The following HERC4 variants were observed in gnomAD, a reference collection of about 807,000 sequenced individuals.
HERC4 encodes probable E3 ubiquitin-protein ligase HERC4.
Under a neutral mutation model 124.3 loss-of-function variants are expected in HERC4, and 28 were observed. That is an observed-to-expected ratio of 0.23 (90% CI 0.17 to 0.31). The LOEUF (loss-of-function observed/expected upper bound fraction) is 0.31, where lower values mean the gene tolerates loss of function less well. Among genes scored for constraint, HERC4 ranks in the 10% least tolerant of loss-of-function variants. HERC4 has a pLI of 1.00. For missense variants in HERC4, 713 were observed against 1,229.3 expected (o/e 0.58, Z 6.28); for synonymous variants, 407 against 421.5 (o/e 0.97, Z 0.42).
chr10:68,008,693 T>A (rs899081820), intron 9 of HERC4, among the ~76,000 whole-genome samples: 1 of 152,050 alleles, frequency 6.6e-6, no homozygotes, highest in African/African-American at 2.4e-5. Context: ...CCAAAAGAAC[T>A]GAAAGCAGGA....
Position 68,017,184 on chromosome 10 carries a change from A to G in HERC4, c.909-2998T>C, listed in dbSNP as rs116494574. Among the ~76,000 whole-genome samples the G allele has an allele frequency of 5.7e-3, 867 of 152,324 alleles. 11 individuals carry two copies. The highest frequency in any genetic ancestry group is 0.02 in the African/African-American group (822 of 41,572). ...TTTGCCTTCTTGTGTATTTGTCTCC[A>G]TCAGAAGAATACCCAGAGGCAGCCC... On this transcript the variant is annotated intron_variant, in intron 8 of 24. Transcript: ENST00000373700.
intron 7 of HERC4, among the ~76,000 whole-genome samples, chr10:68,029,721 T>C (rs1236823263): frequency 1.3e-5 from 2 of 148,528 alleles, no homozygotes; most frequent in African/African-American, 4.9e-5. Context: ...TTACATATAA[T>C]TTTTACATAT....
Position 68,044,436 on chromosome 10 carries a change from C to T in HERC4, c.354G>A (p.Leu118=), listed in dbSNP as rs1231654054. 3.1e-6 allele frequency: 5 copies of T among 1,613,894 alleles called. No individual in the cohort carries two copies. Among genetic ancestry groups the T allele is most frequent in the Non-Finnish European group, 4.2e-6 (5 of 1,179,994 alleles). ...WGLDSDGQLG[L]VGSEECIRVP... is the part of the protein sequence containing the mutation. ...CTCTGATGCATTCCTCTGATCCTAC[C>T]AGGCCAAGCTGTCCATCAGAATCGA... Residue 118 remains leucine (L), a synonymous_variant, in exon 4 of 25, where the codon CTG becomes CTA. Transcript: ENST00000373700.
At chr10:67,990,832 CT>C in intron 13 of HERC4, 71 bp downstream of exon 13, 1 of 869,170 alleles carries the variant, frequency 1.2e-6, no homozygotes, top group African/African-American at 1.7e-5. Context: ...GTAAATTAGG[CT>C]ATAAACGTAT....
intron 15 of HERC4, among the ~76,000 whole-genome samples, chr10:67,983,743 C>T (rs182779459): frequency 3.0e-3 from 431 of 143,998 alleles, no homozygotes; most frequent in African/African-American, 0.01. Flanking sequence ...GCCAAGATCG[C>T]ACCACTGCAC....
intron 7 of HERC4, among the ~76,000 whole-genome samples, chr10:68,029,156 C>T (rs1287415385): frequency 6.6e-6 from 1 of 151,918 alleles, no homozygotes; most frequent in African/African-American, 2.4e-5. Flanking sequence ...CCAACTTGAG[C>T]AAGAGTGAGA....
At chr10:68,010,941 T>C in intron 9 of HERC4, 1 of 1,107,262 alleles carries the variant, frequency 9.0e-7, no homozygotes, top group Admixed American at 2.0e-5. Flanking sequence ...AGGCTTTAGT[T>C]CTAGTTCTCT....
At chr10:68,038,840 T>C (rs2039613146) in intron 4 of HERC4, among the ~76,000 whole-genome samples, 1 of 152,194 alleles carries the variant, frequency 6.6e-6, no homozygotes, top group Non-Finnish European at 1.5e-5. Context: ...CTTCCCCCCT[T>C]TCCTGAGTTT....
At chr10:68,036,205 CTA>C (rs2039456598) in intron 5 of HERC4, among the ~76,000 whole-genome samples, 1 of 151,540 alleles carries the variant, frequency 6.6e-6, no homozygotes, top group South Asian at 2.1e-4. Context: ...GTAGTCCCAG[CTA>C]CTAGGGAGGC....
chr10:67,960,224 T>G (rs118008277), intron 16 of HERC4, among the ~76,000 whole-genome samples: 58 of 152,332 alleles, frequency 3.8e-4, no homozygotes, highest in Non-Finnish European at 7.6e-4. Context: ...CTCTGTATTG[T>G]TACACATCTA....
chr10:68,056,840 G>C (rs2040574135), intron 3 of HERC4, among the ~76,000 whole-genome samples: 1 of 152,088 alleles, frequency 6.6e-6, no homozygotes, highest in South Asian at 2.1e-4. Context: ...ATTTGCAAAG[G>C]AAATTAAAAA....
intron 15 of HERC4, among the ~76,000 whole-genome samples, chr10:67,987,132 G>A (rs2036307968): frequency 6.6e-6 from 1 of 152,156 alleles, no homozygotes; most frequent in Non-Finnish European, 1.5e-5. Flanking sequence ...TATTTAGAAT[G>A]AGTCCATCAA....
At chr10:68,044,138 T>A (rs2039905885) in intron 4 of HERC4, among the ~76,000 whole-genome samples, 1 of 152,142 alleles carries the variant, frequency 6.6e-6, no homozygotes, top group East Asian at 1.9e-4. Flanking sequence ...ACTAAAAAAA[T>A]TTGTAATGAA....
chr10:68,052,944 CT>C (rs2040387906), intron 3 of HERC4, among the ~76,000 whole-genome samples: 1 of 152,128 alleles, frequency 6.6e-6, no homozygotes, highest in Non-Finnish European at 1.5e-5. Context: ...TGTTTTATAC[CT>C]TCTTAAAAAA....
chr10:67,953,583 C>A (rs922110060), intron 19 of HERC4, among the ~76,000 whole-genome samples: 4 of 152,058 alleles, frequency 2.6e-5, no homozygotes, highest in African/African-American at 9.7e-5. Flanking sequence ...ATATGAGCAT[C>A]AATGAAGACA....
At chr10:68,041,569 AAAT>A (rs1306161270) in intron 4 of HERC4, among the ~76,000 whole-genome samples, 1 of 152,190 alleles carries the variant, frequency 6.6e-6, no homozygotes, top group Non-Finnish European at 1.5e-5. Context: ...GTACTCACAA[AAAT>A]AATAATCTTA....
chr10:68,026,443 A>T lies in HERC4; in HGVS notation c.778-767T>A, dbSNP rs187739690. Among the ~76,000 whole-genome samples, 489 of 151,492 alleles carry T rather than the reference A, an allele frequency of 3.2e-3. 1 individual carries two copies. Among genetic ancestry groups the T allele is most frequent in the African/African-American group, 0.011 (459 of 41,354 alleles). On this transcript the variant is annotated intron_variant, in intron 7 of 24. Coordinates refer to ENST00000373700, the MANE Select transcript of HERC4 (RefSeq NM_015601.4). ...GCTGCTATAATATACAGATGTTTTTAAAAAAAACTCCCTATAAAAACATAT... is the reference window on the plus strand; with the variant it reads ...GCTGCTATAATATACAGATGTTTTTTAAAAAAACTCCCTATAAAAACATAT...
chr10:68,018,322 C>G (rs966243231), intron 8 of HERC4, among the ~76,000 whole-genome samples: 3 of 151,250 alleles, frequency 2.0e-5, no homozygotes, highest in Non-Finnish European at 4.4e-5. Context: ...ACATTAAAAA[C>G]TTAACATCCA....
At chr10:67,970,663 G>A (rs1197398274) in intron 15 of HERC4, among the ~76,000 whole-genome samples, 1 of 151,416 alleles carries the variant, frequency 6.6e-6, no homozygotes, top group East Asian at 1.9e-4. Context: ...AACAGAGTCA[G>A]ATTCAGAGAA....
Sources: allele counts gnomAD v4.1 joint callset (sites outside exome capture counted in the v4.1 genomes callset), GRCh38; gene constraint gnomAD v4.1.1; transcripts MANE v1.5; gene names NCBI Gene and HGNC (gene_info 2026-07-23, HGNC 2026-07-21).